TRAPPC3L: variants seen among roughly 807,000 people sequenced by gnomAD.
TRAPPC3L encodes the protein trafficking protein particle complex subunit 3-like protein.
TRAPPC3L carries 23 observed loss-of-function variants against 23.7 expected under a neutral mutation model. That is an observed-to-expected ratio of 0.97 (90% CI 0.70 to 1.37). The LOEUF is 1.37. Among genes scored for constraint, TRAPPC3L ranks in the 40% most tolerant of loss-of-function variants. The pLI is 0.00. For missense variants in TRAPPC3L, 212 were observed against 216.8 expected, an observed-to-expected ratio of 0.98 and a Z score of 0.14; for synonymous variants, 81 against 77.9, an observed-to-expected ratio of 1.04 and a Z score of -0.21.
At chr6:116,515,545 G>A in intron 3 of TRAPPC3L, 2 of 1,524,494 alleles carry the variant, frequency 1.3e-6, no homozygotes, top group Non-Finnish European at 1.8e-6. Flanking sequence ...TAATACCCCA[G>A]CTCCCTAAAT....
chr6:116,532,965 T>A (rs775267319), intron 3 of TRAPPC3L, among the ~76,000 whole-genome samples: 54 of 152,226 alleles, frequency 3.5e-4, no homozygotes, highest in Non-Finnish European at 7.1e-4. Context: ...AAAGATCTAA[T>A]GAACATTTCA....
chr6:116,530,926 T>TATAC (rs1554235967), intron 3 of TRAPPC3L, among the ~76,000 whole-genome samples: 4 of 142,830 alleles, frequency 2.8e-5, no homozygotes, highest in African/African-American at 7.8e-5. Context: ...TATATATATA[T>TATAC]ATATATATAT....
intron 3 of TRAPPC3L, among the ~76,000 whole-genome samples, chr6:116,502,366 G>A (rs1314349496): frequency 6.6e-6 from 1 of 152,196 alleles, no homozygotes; most frequent in Non-Finnish European, 1.5e-5. Flanking sequence ...CAAGAAATAT[G>A]GGACTATGTG....
chr6:116,515,376 T>C (rs1336986046), intron 3 of TRAPPC3L, among the ~76,000 whole-genome samples: 3 of 152,190 alleles, frequency 2.0e-5, no homozygotes, highest in Non-Finnish European at 4.4e-5. Flanking sequence ...GCACCAGCAA[T>C]GTTGGGGAGG....
At chr6:116,511,201 T>TATATATAA (rs1177505491) in intron 3 of TRAPPC3L, among the ~76,000 whole-genome samples, 1 of 147,636 alleles carries the variant, frequency 6.8e-6, no homozygotes, top group African/African-American at 2.5e-5. Flanking sequence ...TATATATATA[T>TATATATAA]AATTTTCATA....
intron 3 of TRAPPC3L, chr6:116,515,736 TG>T (rs762829946): frequency 6.2e-7 from 1 of 1,614,014 alleles, no homozygotes; most frequent in South Asian, 1.1e-5. Context: ...AAGGAGCAGT[TG>T]GAAAATACAT....
At chr6:116,515,487 T>G in intron 3 of TRAPPC3L, 2 of 1,086,548 alleles carry the variant, frequency 1.8e-6, no homozygotes, top group Non-Finnish European at 2.6e-6. Context: ...TGATTTCAAA[T>G]GAGGTATGTC....
chr6:116,540,608 G>A, intron 2 of TRAPPC3L, 146 bp from the exon 3 acceptor site: 1 of 744,734 alleles, frequency 1.3e-6, no homozygotes, highest in Non-Finnish European at 2.2e-6. Flanking sequence ...GCTTTTGGCT[G>A]TGGGCTTCTT....
intron 3 of TRAPPC3L, among the ~76,000 whole-genome samples, chr6:116,505,399 C>T (rs1237509877): frequency 6.6e-6 from 1 of 152,154 alleles, no homozygotes; most frequent in South Asian, 2.1e-4. Flanking sequence ...ACATTCCATG[C>T]TCATGGATAG....
chr6:116,541,204 T>G (rs960653702), intron 2 of TRAPPC3L, among the ~76,000 whole-genome samples: 26 of 152,102 alleles, frequency 1.7e-4, no homozygotes, highest in African/African-American at 5.6e-4. Flanking sequence ...GCACACACTT[T>G]CAACAAGATA....
intron 3 of TRAPPC3L, among the ~76,000 whole-genome samples, chr6:116,525,961 G>A (rs748991152): frequency 6.6e-6 from 1 of 152,118 alleles, no homozygotes; most frequent in African/African-American, 2.4e-5. Context: ...TTTGTGTCAC[G>A]GAGGAAACAT....
chr6:116,500,576 G>A lies in TRAPPC3L; in HGVS notation c.331C>T (p.Pro111Ser). The A allele has an allele frequency of 6.4e-7, 1 of 1,551,604 alleles. No individual in the cohort carries two copies. Among genetic ancestry groups the A allele is most frequent in the Non-Finnish European group, 8.7e-7 (1 of 1,146,958 alleles). The change falls in exon 4 of 5, where the codon CCC becomes TCC. Residue 111 changes from proline (P) to serine (S), a missense_variant. Physicochemically the swap from Pro to Ser is moderately conservative, Grantham distance 74. Transcript: ENST00000368602. ...NEFSLILEKN[P>S]LVEFVEELPA... ...AGCTCTTCCACAAACTCCACCAGGG[G>A]ATTCTTCTCTAGAATCAGGGAAAAT... is the stretch of plus-strand genomic sequence containing the variant.
chr6:116,534,923 T>C (rs1350276100), intron 3 of TRAPPC3L, among the ~76,000 whole-genome samples: 1 of 152,216 alleles, frequency 6.6e-6, no homozygotes. Flanking sequence ...CCCTTCTTAC[T>C]GTGACAACAA....
chr6:116,512,230 G>A (rs758789133), intron 3 of TRAPPC3L: 1 of 1,594,328 alleles, frequency 6.3e-7, no homozygotes, highest in Non-Finnish European at 8.5e-7. Flanking sequence ...TTCAGGCCCA[G>A]TCTCAGGTAA....
At chr6:116,500,724 G>T in intron 3 of TRAPPC3L, 58 bp from the exon 4 acceptor site, 1 of 1,452,952 alleles carries the variant, frequency 6.9e-7, no homozygotes, top group Non-Finnish European at 9.4e-7. Flanking sequence ...ACTATGAGCA[G>T]ACTAAACAAA....
chr6:116,512,489 A>T (rs1772143953), intron 3 of TRAPPC3L: 1 of 431,974 alleles, frequency 2.3e-6, no homozygotes, highest in East Asian at 3.5e-5. Flanking sequence ...ACATATAAAT[A>T]CTTAAGTACT....
At chr6:116,544,533 A>G (rs78876379) in intron 1 of TRAPPC3L, among the ~76,000 whole-genome samples, 6,110 of 152,238 alleles carry the variant, frequency 0.04, 324 homozygotes, top group African/African-American at 0.13. Context: ...TCGTTTTTAA[A>G]ACAATAAAAA....
chr6:116,529,634 A>G (rs544787370), intron 3 of TRAPPC3L, among the ~76,000 whole-genome samples: 1 of 152,334 alleles, frequency 6.6e-6, no homozygotes, highest in South Asian at 2.1e-4. Flanking sequence ...CAGAAGTTAC[A>G]TGTCATCTGG....
intron 3 of TRAPPC3L, among the ~76,000 whole-genome samples, chr6:116,504,988 A>T (rs1771978845): frequency 6.6e-6 from 1 of 152,206 alleles, no homozygotes; most frequent in Admixed American, 6.5e-5. Flanking sequence ...CACCACTCCT[A>T]TTCAACATAG....
Sources: gnomAD v4.1 joint callset for allele counts (sites outside exome capture counted in the v4.1 genomes callset) on GRCh38, gnomAD v4.1.1 for gene constraint, MANE v1.5 for transcripts, NCBI Gene and HGNC (gene_info 2026-07-23, HGNC 2026-07-21) for gene names.